The following C16orf89 variants were observed in gnomAD, a reference collection of about 807,000 sequenced individuals.
C16orf89 encodes the protein UPF0764 protein C16orf89.
Under a neutral mutation model 41.5 loss-of-function variants are expected in C16orf89, and 57 were observed. The observed-to-expected ratio is 1.38, with a 90% confidence interval of 1.11 to 1.71. The LOEUF (loss-of-function observed/expected upper bound fraction) is 1.71, where lower values mean the gene tolerates loss of function less well. Ranked by LOEUF, C16orf89 falls within the 40% of genes most tolerant of loss-of-function variation. The pLI is 0.00. For missense variants in C16orf89, 575 were observed against 445.9 expected, an observed-to-expected ratio of 1.29 and a Z score of -2.61; for synonymous variants, 223 against 190.6, an observed-to-expected ratio of 1.17 and a Z score of -1.40.
intron 4 of C16orf89, among the ~76,000 whole-genome samples, chr16:5,057,093 C>T (rs931300690): frequency 6.6e-5 from 10 of 151,760 alleles, no homozygotes; most frequent in Non-Finnish European, 1.5e-4. Flanking sequence ...CAAAAATTAG[C>T]TGGGCATAGT....
At position 5,062,413 on chromosome 16, in the gene C16orf89, G is replaced by A. The variant is rs1440732280; in HGVS notation, c.358+12C>T. On this transcript the variant is annotated intron_variant, in intron 2 of 7. Transcript: ENST00000472572. Reference sequence around the variant, plus strand: ...TATTCCTGAGGGAATGGGACACCCTGCGTGTGCTCACCTCTTAGGTACTTG... The same window carrying A: ...TATTCCTGAGGGAATGGGACACCCTACGTGTGCTCACCTCTTAGGTACTTG... 6.2e-7 allele frequency: 1 copy of A among 1,607,222 alleles called. No homozygotes were observed. The highest frequency in any genetic ancestry group is 2.2e-5 in the East Asian group (1 of 44,776).
At chr16:5,055,993 GTGTGT>G in intron 5 of C16orf89, 55 bp downstream of exon 5, 1 of 1,072,182 alleles carries the variant, frequency 9.3e-7, no homozygotes, top group Non-Finnish European at 1.3e-6. Context: ...GTGTGTGTGT[GTGTGT>G]GTTGGTGGGG....
rs1293101796 is a variant in C16orf89, at chr16:5,054,042, C to T, written c.868+1204G>A. On this transcript the variant is annotated intron_variant, in intron 6 of 7. Coordinates refer to ENST00000472572, the MANE Select transcript of C16orf89 (RefSeq NM_001098514.3). ...AATGCAAGTTCCACAGCCCCATCCCCAACCCGCCGAAGCTATACATCTGGA... is the reference window on the plus strand; with the variant it reads ...AATGCAAGTTCCACAGCCCCATCCCTAACCCGCCGAAGCTATACATCTGGA... Among the ~76,000 whole-genome samples, 3 of 152,222 alleles carry T rather than the reference C, an allele frequency of 2.0e-5. 1 individual carries two copies. The highest frequency in any genetic ancestry group is 4.4e-5 in the Non-Finnish European group (3 of 68,028).
chr16:5,044,927 C>T (rs969245996), intron 7 of C16orf89: 116 of 1,222,888 alleles, frequency 9.5e-5, no homozygotes, highest in Non-Finnish European at 1.0e-4. Flanking sequence ...CCTTAGGCCC[C>T]TTTTGCTGGG....
Position 5,058,539 on chromosome 16 carries a change from C to T in C16orf89, c.581G>A (p.Gly194Asp). Residue 194 changes from glycine (G) to aspartate (D), a missense_variant, in exon 4 of 8, where the codon GGC (glycine) becomes GAC (aspartate). By Grantham distance (94) the Gly-to-Asp change is moderately conservative. Transcript: ENST00000472572. ...GAGCAGTTGGTGGGACAGGCAGTAG[C>T]CTGAGCAGCCGGGCTTGGTCATGAG... is the stretch of plus-strand genomic sequence containing the variant. Reference protein sequence around the residue: ...RSLMTKPGCSGYCLSHQLLFF... With the variant: ...RSLMTKPGCSDYCLSHQLLFF... 1 of 1,612,700 alleles carries T rather than the reference C, an allele frequency of 6.2e-7. No homozygotes were observed. Among genetic ancestry groups the T allele is most frequent in the Non-Finnish European group, 8.5e-7 (1 of 1,179,888 alleles).
chr16:5,057,448 AAAG>A (rs2142649581), intron 4 of C16orf89, among the ~76,000 whole-genome samples: 1 of 148,808 alleles, frequency 6.7e-6, no homozygotes, highest in South Asian at 2.1e-4. Flanking sequence ...GTATATATAT[AAAG>A]AAAAGAAATA....
intron 2 of C16orf89, 62 bp from the exon 3 acceptor site, chr16:5,060,498 C>T (rs947296605): frequency 2.0e-6 from 3 of 1,500,322 alleles, no homozygotes; most frequent in African/African-American, 1.4e-5. Context: ...AGTGGGCCAC[C>T]CTGGTGTCCC....
rs1343200845 is a variant in C16orf89 at position 5,060,266 on chromosome 16, A to G, written c.509+20T>C. The G allele has an allele frequency of 1.9e-6, 3 of 1,586,060 alleles. No individual in the cohort carries two copies. The highest frequency in any genetic ancestry group is 1.3e-5 in the African/African-American group (1 of 74,414). ...TAGTGCGTTTGGGTTTCCAGCAAAT[A>G]GGGCAAGTGCAGGGCCCACCCGGTT... is the stretch of plus-strand genomic sequence containing the variant. On this transcript the variant is annotated intron_variant, in intron 3 of 7. Transcript: ENST00000472572.
intron 6 of C16orf89, among the ~76,000 whole-genome samples, chr16:5,052,117 AAAAG>A (rs1315377788): frequency 2.5e-4 from 38 of 151,406 alleles, no homozygotes; most frequent in Admixed American, 1.8e-3. Flanking sequence ...AAAAAAAAAA[AAAAG>A]AAGGAAAAAG....
intron 7 of C16orf89, among the ~76,000 whole-genome samples, chr16:5,046,916 G>C (rs1011620371): frequency 3.9e-5 from 6 of 152,276 alleles, no homozygotes; most frequent in South Asian, 2.1e-4. Context: ...AAGACAACAG[G>C]TGTAAACTGG....
chr16:5,052,475 C>T (rs1956415933), intron 6 of C16orf89, among the ~76,000 whole-genome samples: 1 of 152,092 alleles, frequency 6.6e-6, no homozygotes. Flanking sequence ...CCTGTAGTCT[C>T]AGCTACTCAG....
intron 1 of C16orf89, among the ~76,000 whole-genome samples, chr16:5,064,465 T>C (rs1303562752): frequency 9.2e-5 from 14 of 152,218 alleles, no homozygotes; most frequent in Non-Finnish European, 1.9e-4. Flanking sequence ...CACATGTGCA[T>C]GATCGTGTGA....
At chr16:5,055,418 C>A (rs1596694105) in intron 5 of C16orf89, 68 bp from the exon 6 acceptor site, 3 of 1,387,952 alleles carry the variant, frequency 2.2e-6, no homozygotes, top group East Asian at 2.5e-5. Context: ...CTCCCCAGGG[C>A]TGCCACGGTG....
Position 5,055,236 on chromosome 16 carries a change from C to G in C16orf89, c.868+10G>C, listed in dbSNP as rs1271267612. On this transcript the variant is annotated intron_variant, in intron 6 of 7. Transcript: ENST00000472572. Reference sequence around the variant, plus strand: ...CCCCCCTTCTTAGCCAGGGCAGCAGCGCAGCTCACCAGGCTCCCCGAAGCA... The same window carrying G: ...CCCCCCTTCTTAGCCAGGGCAGCAGGGCAGCTCACCAGGCTCCCCGAAGCA... 1 of 1,594,766 alleles carries G rather than the reference C, an allele frequency of 6.3e-7. No homozygotes were observed. Among genetic ancestry groups the G allele is most frequent in the Non-Finnish European group, 8.6e-7 (1 of 1,165,634 alleles).
intron 4 of C16orf89, among the ~76,000 whole-genome samples, chr16:5,057,705 T>C: frequency 6.6e-6 from 1 of 151,940 alleles, no homozygotes; most frequent in East Asian, 2.0e-4. Context: ...ATTTTTGTAT[T>C]TTTAGTAGAG....
intron 2 of C16orf89, among the ~76,000 whole-genome samples, chr16:5,061,432 CAAAAAAAAAAAAAAAAA>C (rs59903296): frequency 4.0e-5 from 1 of 25,242 alleles, no homozygotes; most frequent in Non-Finnish European, 5.8e-5. Context: ...GACTCTGTCT[CAAAAAAAAAAAAAAAAA>C]AAAAAAAAAA....
At chr16:5,065,419 G>A (rs920165394) in intron 1 of C16orf89, among the ~76,000 whole-genome samples, 16 of 152,194 alleles carry the variant, frequency 1.1e-4, no homozygotes, top group African/African-American at 3.9e-4. Flanking sequence ...GCGTTGTGAG[G>A]AGGGGCTGTC....
intron 6 of C16orf89, among the ~76,000 whole-genome samples, chr16:5,048,818 G>T (rs79582677): frequency 0.011 from 1,721 of 152,014 alleles, 24 homozygotes; most frequent in African/African-American, 0.039. Flanking sequence ...GGATATAGAA[G>T]ATAACCAGAA....
At chr16:5,057,282 A>G (rs1488961819) in intron 4 of C16orf89, among the ~76,000 whole-genome samples, 4 of 132,830 alleles carry the variant, frequency 3.0e-5, no homozygotes, top group African/African-American at 1.1e-4. Flanking sequence ...ATATATGTAT[A>G]TATATATGTG....
Sources: gnomAD v4.1 joint callset for allele counts (sites outside exome capture counted in the v4.1 genomes callset) on GRCh38, gnomAD v4.1.1 for gene constraint, MANE v1.5 for transcripts, NCBI Gene and HGNC (gene_info 2026-07-23, HGNC 2026-07-21) for gene names.